GPC6: variants seen among roughly 807,000 people sequenced by gnomAD.
GPC6 encodes the protein glypican 6.
Under a neutral mutation model 55.2 loss-of-function variants are expected in GPC6, and 14 were observed. That is an observed-to-expected ratio of 0.25 (90% CI 0.17 to 0.40). The LOEUF (loss-of-function observed/expected upper bound fraction) is 0.40. Ranked by LOEUF, GPC6 falls within the 10% of genes least tolerant of loss-of-function variation. GPC6 has a pLI of 1.00. For synonymous variants in GPC6, 278 were observed against 259.6 expected, an observed-to-expected ratio of 1.07 and a Z score of -0.68; for missense variants, 641 against 708.5, an observed-to-expected ratio of 0.90 and a Z score of 1.08.
intron 6 of GPC6, among the ~76,000 whole-genome samples, chr13:94,309,593 A>C (rs1208943638): frequency 1.3e-5 from 2 of 152,222 alleles, no homozygotes; most frequent in African/African-American, 2.4e-5. Flanking sequence ...AGTTATATAC[A>C]CATAAGAAGC....
At chr13:93,669,494 A>G (rs1347452227) in intron 2 of GPC6, among the ~76,000 whole-genome samples, 1 of 152,220 alleles carries the variant, frequency 6.6e-6, no homozygotes, top group Non-Finnish European at 1.5e-5. Flanking sequence ...TCTGTGTACC[A>G]GACACTGTGA....
chr13:94,015,540 C>T (rs2138704677), intron 3 of GPC6, among the ~76,000 whole-genome samples: 1 of 152,088 alleles, frequency 6.6e-6, no homozygotes, highest in East Asian at 1.9e-4. Flanking sequence ...TTATGAAGTC[C>T]TATTTATTTT....
chr13:93,832,144 T>TATATATATATATATATAA (rs1467780054), intron 3 of GPC6, among the ~76,000 whole-genome samples: 2 of 100,804 alleles, frequency 2.0e-5, no homozygotes, highest in African/African-American at 8.0e-5. Flanking sequence ...TATATATATA[T>TATATATATATATATATAA]AATGTCCTTA....
chr13:93,909,913 C>CA (rs1360580921), intron 3 of GPC6, among the ~76,000 whole-genome samples: 12 of 152,120 alleles, frequency 7.9e-5, no homozygotes, highest in Admixed American at 3.9e-4. Context: ...TCCATCCAAT[C>CA]AACAACGTAG....
intron 2 of GPC6, among the ~76,000 whole-genome samples, chr13:93,725,771 T>A (rs989357355): frequency 5.3e-5 from 8 of 151,984 alleles, no homozygotes; most frequent in Admixed American, 3.3e-4. Flanking sequence ...TAGCCATTTG[T>A]AAAATACCAA....
At chr13:94,286,572 A>G (rs1892538056) in intron 5 of GPC6, 93 bp downstream of exon 5, 3 of 1,079,232 alleles carry the variant, frequency 2.8e-6, no homozygotes, top group South Asian at 1.3e-5. Context: ...GGCTGGGCTT[A>G]TAAATTCTAA....
At chr13:94,130,151 A>C (rs576606355) in intron 4 of GPC6, among the ~76,000 whole-genome samples, 1 of 152,274 alleles carries the variant, frequency 6.6e-6, no homozygotes, top group South Asian at 2.1e-4. Flanking sequence ...AGATGAACAC[A>C]CATGCAATAT....
At chr13:93,406,371 G>A (rs1594147619) in intron 1 of GPC6, among the ~76,000 whole-genome samples, 1 of 152,296 alleles carries the variant, frequency 6.6e-6, no homozygotes, top group East Asian at 1.9e-4. Flanking sequence ...GGACTCTGCA[G>A]TGAGTTGTTG....
At chr13:93,795,667 A>G (rs551315678) in intron 2 of GPC6, among the ~76,000 whole-genome samples, 24 of 152,346 alleles carry the variant, frequency 1.6e-4, no homozygotes, top group African/African-American at 5.8e-4. Context: ...AGAAAAAACA[A>G]TGTAAATTCT....
intron 2 of GPC6, among the ~76,000 whole-genome samples, chr13:93,747,425 T>C (rs1206878436): frequency 5.3e-5 from 8 of 152,164 alleles, no homozygotes; most frequent in Admixed American, 5.2e-4. Flanking sequence ...CATCAGCAAG[T>C]GTCAGTGCCC....
chr13:93,918,190 G>T (rs1877389502), intron 3 of GPC6, among the ~76,000 whole-genome samples: 1 of 152,050 alleles, frequency 6.6e-6, no homozygotes, highest in African/African-American at 2.4e-5. Flanking sequence ...TTCATAGGAT[G>T]GTGGTGGGTA....
chr13:94,290,549 C>G (rs897050439), intron 5 of GPC6, among the ~76,000 whole-genome samples: 3 of 150,870 alleles, frequency 2.0e-5, no homozygotes, highest in African/African-American at 7.3e-5. Context: ...ATTGTATATA[C>G]ATGTGATGTT....
chr13:93,809,924 C>A (rs1886646546), intron 2 of GPC6, among the ~76,000 whole-genome samples: 1 of 152,176 alleles, frequency 6.6e-6, no homozygotes, highest in South Asian at 2.1e-4. Flanking sequence ...CTTTAATTTA[C>A]ATTCCTTGCT....
In GPC6 at chr13:93,342,810, G is replaced by A. The variant is rs144563295; in HGVS notation, c.160+115194G>A. The stretch of plus-strand genomic sequence containing the variant: ...GGATGGAACTTAAATATAATGGCAA[G>A]GAGTTAAGGAAAAGTCCTACTAAAT... On this transcript the variant is annotated intron_variant, in intron 1 of 8. Coordinates refer to ENST00000377047, the MANE Select transcript of GPC6 (RefSeq NM_005708.5). Among the ~76,000 whole-genome samples, 47 of 152,260 alleles carry A rather than the reference G, an allele frequency of 3.1e-4. 1 individual carries two copies. The Middle Eastern group carries it at 0.014, about 44-fold the overall frequency.
At chr13:94,282,077 T>C (rs924239302) in intron 4 of GPC6, among the ~76,000 whole-genome samples, 5 of 152,202 alleles carry the variant, frequency 3.3e-5, no homozygotes, top group Non-Finnish European at 7.3e-5. Context: ...CAGTTTGCTC[T>C]TACCACAAAA....
intron 3 of GPC6, among the ~76,000 whole-genome samples, chr13:93,993,074 T>C (rs1369930408): frequency 6.6e-6 from 1 of 152,148 alleles, no homozygotes; most frequent in Non-Finnish European, 1.5e-5. Context: ...AGCTAGGAAA[T>C]GGTAGTTGAT....
At chr13:93,857,480 C>G (rs1888660135) in intron 3 of GPC6, among the ~76,000 whole-genome samples, 1 of 151,502 alleles carries the variant, frequency 6.6e-6, no homozygotes, top group Non-Finnish European at 1.5e-5. Context: ...GATATAACAA[C>G]AGTTTATTTT....
At chr13:93,643,648 T>G (rs529082459) in intron 2 of GPC6, among the ~76,000 whole-genome samples, 6 of 152,104 alleles carry the variant, frequency 3.9e-5, no homozygotes, top group Non-Finnish European at 7.4e-5. Flanking sequence ...GGGGAAAGCA[T>G]TTTTCACATG....
At chr13:93,483,293 T>G (rs887008015) in intron 1 of GPC6, among the ~76,000 whole-genome samples, 3 of 152,162 alleles carry the variant, frequency 2.0e-5, no homozygotes, top group Admixed American at 6.6e-5. Flanking sequence ...TATATTGAAA[T>G]CACTGTGCTT....
Sources: gnomAD v4.1 joint callset for allele counts (sites outside exome capture counted in the v4.1 genomes callset) on GRCh38, gnomAD v4.1.1 for gene constraint, MANE v1.5 for transcripts, NCBI Gene and HGNC (gene_info 2026-07-23, HGNC 2026-07-21) for gene names.